The following DST variants were observed in gnomAD, a reference collection of about 807,000 sequenced individuals.
DST encodes the protein dystonin.
A neutral mutation model predicts 875.2 loss-of-function variants in DST; 253 were observed. That is an observed-to-expected ratio of 0.29 (90% confidence interval 0.26 to 0.32). DST has a LOEUF of 0.32. Among genes scored for constraint, DST ranks in the 10% least tolerant of loss-of-function variants. The pLI is 1.00. For synonymous variants in DST, 3,124 were observed against 3,197.1 expected (o/e 0.98, Z 0.77); for missense variants, 8,287 against 9,111.6 (o/e 0.91, Z 3.68).
chr6:56,731,240 C>T (rs922206516), intron 5 of DST, among the ~76,000 whole-genome samples: 2 of 152,136 alleles, frequency 1.3e-5, no homozygotes, highest in African/African-American at 2.4e-5. Context: ...ATTCTCTGAC[C>T]TGATCCTGAA....
chr6:56,731,765 C>A (rs971099995), intron 5 of DST, among the ~76,000 whole-genome samples: 2 of 152,138 alleles, frequency 1.3e-5, no homozygotes, highest in African/African-American at 2.4e-5. Context: ...CAATAAATAA[C>A]CTATTACATA....
chr6:56,590,940 C>CCA (rs2098261853), intron 49 of DST, among the ~76,000 whole-genome samples: 1 of 152,172 alleles, frequency 6.6e-6, no homozygotes, highest in Non-Finnish European at 1.5e-5. Context: ...TTAAGCTTGC[C>CCA]CAGCAGGGTA....
chr6:56,897,092 A>G (rs59524770), intron 3 of DST, among the ~76,000 whole-genome samples: 2 of 152,148 alleles, frequency 1.3e-5, no homozygotes, highest in African/African-American at 2.4e-5. Flanking sequence ...TTTTTATAGT[A>G]TCAGGTCTTA....
intron 3 of DST, among the ~76,000 whole-genome samples, chr6:56,884,173 T>C (rs1783537292): frequency 1.3e-5 from 2 of 152,002 alleles, no homozygotes; most frequent in African/African-American, 4.8e-5. Context: ...CCACTTTCTC[T>C]TTTTTTTATA....
At chr6:56,789,001 T>C (rs2099710539) in intron 4 of DST, among the ~76,000 whole-genome samples, 1 of 152,222 alleles carries the variant, frequency 6.6e-6, no homozygotes, top group South Asian at 2.1e-4. Flanking sequence ...TTGTTTTAAA[T>C]GGTACAATAT....
chr6:56,848,941 G>C (rs185991019), intron 4 of DST, among the ~76,000 whole-genome samples: 4 of 142,160 alleles, frequency 2.8e-5, no homozygotes, highest in Non-Finnish European at 6.1e-5. Context: ...TTGGGAGGCT[G>C]AGGCAGGAGA....
chr6:56,743,461 T>C (rs2099555267), intron 4 of DST, among the ~76,000 whole-genome samples: 1 of 152,236 alleles, frequency 6.6e-6, no homozygotes, highest in Non-Finnish European at 1.5e-5. Context: ...TCAAAGTATC[T>C]GCTTAGTAAA....
chr6:56,923,029 T>C (rs938966766), intron 2 of DST, among the ~76,000 whole-genome samples: 2 of 152,130 alleles, frequency 1.3e-5, no homozygotes, highest in African/African-American at 4.8e-5. Flanking sequence ...ATCTAACATA[T>C]AAGTTTTAAA....
rs181148808 is a variant in DST at position 56,877,198 on chromosome 6, T to C, written c.417+23223A>G. Among the ~76,000 whole-genome samples, 228 of 152,332 alleles carry C rather than the reference T, an allele frequency of 1.5e-3. 1 individual carries two copies. Among genetic ancestry groups the C allele is most frequent in the Non-Finnish European group, 2.7e-3 (184 of 68,030 alleles). On this transcript the variant is annotated intron_variant, in intron 3 of 103. Coordinates refer to ENST00000680361, the MANE Select transcript of DST (RefSeq NM_001374736.1). Reference sequence around the variant, plus strand: ...AACCCATCATCCCACCCCAACACTATCTTCCCCCTTACCTGAAGCATTTTT... The same window carrying C: ...AACCCATCATCCCACCCCAACACTACCTTCCCCCTTACCTGAAGCATTTTT...
rs760671730 is a variant in DST at position 56,609,284 on chromosome 6, G to C, written c.5344C>G (p.Gln1782Glu). 4 of 1,613,366 alleles carry C rather than the reference G, an allele frequency of 2.5e-6. No homozygotes were observed. Among genetic ancestry groups the C allele is most frequent in the Non-Finnish European group, 3.4e-6 (4 of 1,179,666 alleles). ...QTTGEVLSVF[Q>E]AVLRGLIDYD... ...TCAATGAGGCCTCTTAAAACTGCTT[G>C]AAAGACTGAAAGGACTTCTCCAGTT... Residue 1782 changes from glutamine (Q) to glutamate (E), a missense_variant, in exon 40 of 104, where the codon CAA becomes GAA. By Grantham distance (29) the Gln-to-Glu change is conservative. This residue lies in a region of DST where 3,138 missense variants were observed against 3,116.6 expected (regional missense o/e 1.01). Coordinates refer to ENST00000680361, the MANE Select transcript of DST (RefSeq NM_001374736.1).
intron 5 of DST, among the ~76,000 whole-genome samples, chr6:56,729,889 T>G (rs2099490100): frequency 6.6e-6 from 1 of 152,134 alleles, no homozygotes; most frequent in South Asian, 2.1e-4. Flanking sequence ...CTTTCCAAAG[T>G]CGTGATGGAA....
chr6:56,736,932 G>A (rs757720659), intron 4 of DST, among the ~76,000 whole-genome samples: 2 of 152,294 alleles, frequency 1.3e-5, no homozygotes, highest in Middle Eastern at 3.4e-3. Flanking sequence ...CCAGCCCTTC[G>A]GGAGGCCAAT....
chr6:56,839,612 C>T (rs1189002428), intron 4 of DST, among the ~76,000 whole-genome samples: 2 of 152,114 alleles, frequency 1.3e-5, no homozygotes, highest in African/African-American at 4.8e-5. Context: ...CAGAGAAATT[C>T]CCTGAAACCT....
intron 4 of DST, among the ~76,000 whole-genome samples, chr6:56,779,314 A>G (rs1590135511): frequency 6.6e-6 from 1 of 151,962 alleles, no homozygotes; most frequent in African/African-American, 2.4e-5. Context: ...ATTGCAAAAA[A>G]TTTCTCCCAT....
intron 27 of DST, 40 bp from the exon 28 acceptor site, chr6:56,633,077 T>C: frequency 1.3e-6 from 2 of 1,570,140 alleles, no homozygotes; most frequent in Non-Finnish European, 8.8e-7. Context: ...ATTCTATTAC[T>C]CATAGATTTG....
At chr6:56,916,987 T>TA (rs1161421788) in intron 2 of DST, among the ~76,000 whole-genome samples, 1,440 of 35,496 alleles carry the variant, frequency 0.041, 194 homozygotes, top group African/African-American at 0.047. Flanking sequence ...CCAGGCATGC[T>TA]AAAAAAAAAA....
chr6:56,864,410 T>C (rs1029078044), intron 3 of DST, among the ~76,000 whole-genome samples: 2 of 152,094 alleles, frequency 1.3e-5, no homozygotes, highest in African/African-American at 2.4e-5. Context: ...TTGTCTACCA[T>C]ATTACTGCAT....
rs2094929449 is a variant in DST, at chr6:56,472,212, A to G, written c.22005T>C (p.Phe7335=). Residue 7335 remains phenylalanine (F), a synonymous_variant, in exon 94 of 104, where the codon TTT becomes TTC. Transcript: ENST00000680361. ...LDKGRAGRKR[F]PASSLYPSGS... ...CAGAGGGATACAAGCTTGATGCTGG[A>G]AAGCGTTTTCCTGTGAAGGTATAAC... 2 of 1,613,626 alleles carry G rather than the reference A, an allele frequency of 1.2e-6. No homozygotes were observed. Among genetic ancestry groups the G allele is most frequent in the African/African-American group, 1.3e-5 (1 of 74,930 alleles).
At chr6:56,701,780 G>C (rs2099308985) in intron 8 of DST, 108 bp downstream of exon 8, 1 of 657,962 alleles carries the variant, frequency 1.5e-6, no homozygotes, top group Non-Finnish European at 2.6e-6. Context: ...CAAGCTTACT[G>C]GTTACAATTC....
Sources: allele counts gnomAD v4.1 joint callset (sites outside exome capture counted in the v4.1 genomes callset), GRCh38; gene constraint gnomAD v4.1.1; regional missense constraint gnomAD v4.1.1; transcripts MANE v1.5; gene names NCBI Gene and HGNC (gene_info 2026-07-23, HGNC 2026-07-21).